Variants in S100A16 observed in about 807,000 individuals in gnomAD.
The protein encoded by S100A16 is protein S100-A16.
In S100A16, 8 loss-of-function variants were observed where a neutral mutation model predicts 9.0. That is an observed-to-expected ratio of 0.89 (90% confidence interval 0.52 to 1.60). The LOEUF is 1.60. Among genes scored for constraint, S100A16 ranks in the 40% most tolerant of loss-of-function variants. S100A16 has a pLI of 0.00. For missense variants in S100A16, 138 were observed against 132.4 expected (o/e 1.04, Z -0.21); for synonymous variants, 51 against 51.4 (o/e 0.99, Z 0.04).
At position 153,612,985 on chromosome 1, in the gene S100A16, C is replaced by A. The variant is rs12759927; in HGVS notation, c.-60G>T. On this transcript the variant is annotated 5_prime_UTR_variant, in exon 1 of 3. Transcript: ENST00000368706. ...TCAGTCTGCCTCCTCTCCAGCAGGG[C>A]TCTGGGGCCTGGGCTCTGGCACTGC... The A allele has an allele frequency of 6.5e-6, 1 of 152,698 alleles. No individual in the cohort carries two copies. Among genetic ancestry groups the A allele is most frequent in the Non-Finnish European group, 1.5e-5 (1 of 68,464 alleles). 9.5% of individuals were successfully genotyped at this position (152,698 alleles called of 1,614,324 possible).
intron 1 of S100A16, among the ~76,000 whole-genome samples, chr1:153,611,030 C>T (rs1355070293): frequency 1.3e-5 from 2 of 152,040 alleles, no homozygotes; most frequent in Admixed American, 6.6e-5. Flanking sequence ...ATGGGAGGAC[C>T]ACGTGTCCTC....
At chr1:153,609,018 C>T (rs1179665767) in intron 1 of S100A16, 40 of 985,554 alleles carry the variant, frequency 4.1e-5, no homozygotes, top group South Asian at 9.4e-5. Context: ...ACTTTCTAAG[C>T]GGATACAGCC....
Position 153,607,346 on chromosome 1 carries a change from C to A in S100A16, c.*188G>T. 2 of 695,942 alleles carry A rather than the reference C, an allele frequency of 2.9e-6. No homozygotes were observed. The highest frequency in any genetic ancestry group is 2.4e-6 in the Non-Finnish European group (1 of 424,108). 43.1% of individuals were successfully genotyped at this position (695,942 alleles called of 1,614,324 possible). The stretch of plus-strand genomic sequence containing the variant: ...TGCGACTCCAGGAGCTGAGACCCCC[C>A]AGGGAGGGAGGTACCTCTAGACTGA... On this transcript the variant is annotated 3_prime_UTR_variant, in exon 3 of 3. Transcript: ENST00000368706.
At chr1:153,608,205 A>G in intron 1 of S100A16, 28 bp from the exon 2 acceptor site, 1 of 1,600,310 alleles carries the variant, frequency 6.2e-7, no homozygotes, top group Non-Finnish European at 8.5e-7. Context: ...GGGAGATGAG[A>G]AGAGACACCC....
At chr1:153,611,563 GCTCATTCATTCACT>G (rs1666835662) in intron 1 of S100A16, among the ~76,000 whole-genome samples, 1 of 151,916 alleles carries the variant, frequency 6.6e-6, no homozygotes, top group South Asian at 2.1e-4. Flanking sequence ...TCATTTATTG[GCTCATTCATTCACT>G]CTCATTCATT....
rs976378139 is a variant in S100A16 at position 153,607,481 on chromosome 1, G to A, written c.*53C>T. 1 of 1,604,078 alleles carries A rather than the reference G, an allele frequency of 6.2e-7. No individual in the cohort carries two copies. The highest frequency in any genetic ancestry group is 8.5e-7 in the Non-Finnish European group (1 of 1,172,250). ...AGGCTGAGGAGGGAGCCTGGGGAGAGCACCAGGGCGGGGCATCAGGCCAGT... is the reference window on the plus strand; with the variant it reads ...AGGCTGAGGAGGGAGCCTGGGGAGAACACCAGGGCGGGGCATCAGGCCAGT... On this transcript the variant is annotated 3_prime_UTR_variant, in exon 3 of 3. Coordinates refer to ENST00000368706, the MANE Select transcript of S100A16 (RefSeq NM_080388.3).
intron 1 of S100A16, among the ~76,000 whole-genome samples, chr1:153,612,356 G>C (rs983128065): frequency 6.6e-6 from 1 of 151,958 alleles, no homozygotes; most frequent in Non-Finnish European, 1.5e-5. Flanking sequence ...GAGCTTGCAG[G>C]CTCCCCACAG....
At position 153,608,187 on chromosome 1, in the gene S100A16, A is replaced by T; in HGVS notation, c.-26-10T>A. The T allele has an allele frequency of 6.2e-7, 1 of 1,608,636 alleles. No homozygotes were observed. Among genetic ancestry groups the T allele is most frequent in the East Asian group, 2.2e-5 (1 of 44,862 alleles). On this transcript the variant is annotated splice_polypyrimidine_tract_variant and intron_variant, in intron 1 of 2. Coordinates refer to ENST00000368706, the MANE Select transcript of S100A16 (RefSeq NM_080388.3). Reference sequence around the variant, plus strand: ...CGCCTGCTGGCGGGGCCTGGACACCAGGAGGAGGGGAGATGAGAAGAGACA... The same window carrying T: ...CGCCTGCTGGCGGGGCCTGGACACCTGGAGGAGGGGAGATGAGAAGAGACA...
At chr1:153,612,525 C>G (rs894997312) in intron 1 of S100A16, among the ~76,000 whole-genome samples, 2 of 152,112 alleles carry the variant, frequency 1.3e-5, no homozygotes, top group Non-Finnish European at 2.9e-5. Context: ...CTGGTTCCTT[C>G]TGGACCCCAT....
chr1:153,611,680 T>C (rs537042529), intron 1 of S100A16, among the ~76,000 whole-genome samples: 1 of 152,180 alleles, frequency 6.6e-6, no homozygotes, highest in Non-Finnish European at 1.5e-5. Flanking sequence ...AACTTCAATA[T>C]ATAGGGAAGG....
chr1:153,610,798 C>A (rs1666817983), intron 1 of S100A16, among the ~76,000 whole-genome samples: 1 of 152,060 alleles, frequency 6.6e-6, no homozygotes, highest in African/African-American at 2.4e-5. Context: ...GAGACAGGAT[C>A]TGCCACCCCA....
intron 1 of S100A16, among the ~76,000 whole-genome samples, chr1:153,612,107 C>T (rs543119441): frequency 3.3e-5 from 5 of 150,780 alleles, no homozygotes; most frequent in African/African-American, 9.8e-5. Context: ...CCCGCCTCCC[C>T]CAACACACAC....
chr1:153,608,270 C>T (rs895555786), intron 1 of S100A16, 93 bp from the exon 2 acceptor site: 82 of 1,088,002 alleles, frequency 7.5e-5, no homozygotes, highest in Non-Finnish European at 1.0e-4. Context: ...GTCCCTCCTC[C>T]TGCCTTGTTT....
chr1:153,608,213 C>T, intron 1 of S100A16, 36 bp from the exon 2 acceptor site: 2 of 1,586,128 alleles, frequency 1.3e-6, no homozygotes, highest in Non-Finnish European at 1.7e-6. Context: ...AGAAGAGACA[C>T]CCACAGGCCA....
chr1:153,608,260 G>A (rs1254756639), intron 1 of S100A16, 83 bp from the exon 2 acceptor site: 3 of 1,217,032 alleles, frequency 2.5e-6, no homozygotes, highest in East Asian at 4.8e-5. Context: ...TAGGCCCTGG[G>A]TCCCTCCTCC....
intron 1 of S100A16, chr1:153,608,923 A>G: frequency 1.5e-5 from 15 of 985,990 alleles, no homozygotes; most frequent in Non-Finnish European, 1.8e-5. Flanking sequence ...AAGCCCAGTT[A>G]CAGCCCAGCT....
intron 1 of S100A16, chr1:153,608,403 A>G (rs1666751598): frequency 2.0e-6 from 1 of 500,356 alleles, no homozygotes; most frequent in Non-Finnish European, 3.6e-6. Context: ...CCGCCTCAAC[A>G]GGTTCTCCAG....
At chr1:153,612,644 G>A (rs182418078) in intron 1 of S100A16, among the ~76,000 whole-genome samples, 2 of 152,120 alleles carry the variant, frequency 1.3e-5, no homozygotes, top group African/African-American at 2.4e-5. Context: ...GGGGAGGATC[G>A]AGTAGCTGTG....
In S100A16 at chr1:153,608,144, T is replaced by C; in HGVS notation, c.8A>G (p.Asp3Gly). Residue 3 changes from aspartate (D) to glycine (G), a missense_variant, in exon 2 of 3, where the codon GAC (aspartate) becomes GGC (glycine). Coordinates refer to ENST00000368706, the MANE Select transcript of S100A16 (RefSeq NM_080388.3). ...TGCCTTCTCCAGCTCCGTGTAGCAGTCTGACATCTCCCTGCTTCGCCTGCT... is the reference window on the plus strand; with the variant it reads ...TGCCTTCTCCAGCTCCGTGTAGCAGCCTGACATCTCCCTGCTTCGCCTGCT... MS[D>G]CYTELEKAVI... 1 of 1,613,708 alleles carries C rather than the reference T, an allele frequency of 6.2e-7. No individual in the cohort carries two copies. Among genetic ancestry groups the C allele is most frequent in the Non-Finnish European group, 8.5e-7 (1 of 1,179,904 alleles).
Sources: gnomAD v4.1 joint callset for allele counts (sites outside exome capture counted in the v4.1 genomes callset) on GRCh38, gnomAD v4.1.1 for gene constraint, MANE v1.5 for transcripts, NCBI Gene and HGNC (gene_info 2026-07-23, HGNC 2026-07-21) for gene names.